TNC: variants seen among roughly 807,000 people sequenced by gnomAD.
TNC encodes tenascin.
Under a neutral mutation model 202.4 loss-of-function variants are expected in TNC, and 109 were observed. The observed-to-expected ratio is 0.54, with a 90% confidence interval of 0.46 to 0.63. The LOEUF (loss-of-function observed/expected upper bound fraction) is 0.63. Among genes scored for constraint, TNC ranks in the 30% least tolerant of loss-of-function variants. The pLI is 0.00. For synonymous variants in TNC, 1,007 were observed against 1,089.7 expected (o/e 0.92, Z 1.50); for missense variants, 2,756 against 2,833.3 (o/e 0.97, Z 0.62).
chr9:115,091,560 A>G (rs138021733), intron 1 of TNC, among the ~76,000 whole-genome samples: 62 of 152,334 alleles, frequency 4.1e-4, no homozygotes, highest in African/African-American at 1.4e-3. Context: ...TTATTTGTGT[A>G]TTCATTAATT....
At position 115,064,721 on chromosome 9, in the gene TNC, G is replaced by A. The variant is rs371671996; in HGVS notation, c.3413C>T (p.Thr1138Met). The A allele has an allele frequency of 2.8e-5, 46 of 1,614,076 alleles. No homozygotes were observed. The highest frequency in any genetic ancestry group is 2.1e-4 in the African/African-American group (16 of 74,922). Residue 1138 changes from threonine to methionine, a missense_variant, in exon 11 of 28, where the codon ACG (threonine) becomes ATG (methionine). By Grantham distance (81) the Thr-to-Met change is moderately conservative (BLOSUM62 -1). Around this residue, in one of 2 missense-constraint regions of TNC, gnomAD observed 2,559 missense variants for 2,546.0 expected, o/e 1.01. Transcript: ENST00000350763. Reference sequence around the variant, plus strand: ...CCCATAGATGGAGACTGTATAAGGCGTAGCAGCCTTGAGGCCCGGTATGTC... The same window carrying A: ...CCCATAGATGGAGACTGTATAAGGCATAGCAGCCTTGAGGCCCGGTATGTC... Reference protein sequence around the residue: ...AVDIPGLKAATPYTVSIYGVI... With the variant: ...AVDIPGLKAAMPYTVSIYGVI...
intron 27 of TNC, among the ~76,000 whole-genome samples, chr9:115,022,928 C>T (rs994889720): frequency 6.6e-6 from 1 of 151,496 alleles, no homozygotes; most frequent in Non-Finnish European, 1.5e-5. Flanking sequence ...ATCAAAGTGA[C>T]TAATATTGAA....
chr9:115,108,276 G>T (rs1836766092), intron 1 of TNC, among the ~76,000 whole-genome samples: 1 of 152,222 alleles, frequency 6.6e-6, no homozygotes, highest in South Asian at 2.1e-4. Context: ...AGACTACGTT[G>T]CAAGATGTTT....
chr9:115,092,735 G>A (rs1379903808), intron 1 of TNC, among the ~76,000 whole-genome samples: 1 of 142,368 alleles, frequency 7.0e-6, no homozygotes, highest in Non-Finnish European at 1.5e-5. Context: ...TGCCATGCCT[G>A]GCTGATTTTT....
Position 115,024,401 on chromosome 9 carries a change from A to G in TNC, c.6332-265T>C, listed in dbSNP as rs539931932. On this transcript the variant is annotated intron_variant, in intron 26 of 27. Coordinates refer to ENST00000350763, the MANE Select transcript of TNC (RefSeq NM_002160.4). ...GTCTAGCTTCGAATCCCATCTTTTCACTTTTTAGCTGTGACCTTGCACAAG... is the reference window on the plus strand; with the variant it reads ...GTCTAGCTTCGAATCCCATCTTTTCGCTTTTTAGCTGTGACCTTGCACAAG... Among the ~76,000 whole-genome samples, 62 of 152,208 alleles carry G rather than the reference A, an allele frequency of 4.1e-4. No homozygotes were observed. In the Middle Eastern group the frequency reaches 0.01, roughly 25 times the overall value.
intron 1 of TNC, 127 bp from the exon 2 acceptor site, chr9:115,091,281 A>G: frequency 4.4e-6 from 2 of 459,078 alleles, no homozygotes; most frequent in Non-Finnish European, 7.8e-6. Context: ...TTTTCATTAT[A>G]TACCCTTGAA....
intron 10 of TNC, among the ~76,000 whole-genome samples, chr9:115,070,785 T>G (rs1467778610): frequency 2.6e-5 from 4 of 152,218 alleles, no homozygotes; most frequent in African/African-American, 9.6e-5. Flanking sequence ...CTGCAACATT[T>G]CAGGACTTAT....
At chr9:115,117,137 G>A (rs1475997057) in intron 1 of TNC, among the ~76,000 whole-genome samples, 1 of 152,298 alleles carries the variant, frequency 6.6e-6, no homozygotes, top group East Asian at 1.9e-4. Context: ...TCATATGTAT[G>A]GTGGTGGGGA....
chr9:115,105,229 G>T (rs1051502345), intron 1 of TNC, among the ~76,000 whole-genome samples: 1 of 152,186 alleles, frequency 6.6e-6, no homozygotes, highest in South Asian at 2.1e-4. Flanking sequence ...GACTACTCCC[G>T]TAATTAATTT....
rs777494014 is a variant in TNC, at chr9:115,087,021, A to T, written c.710T>A (p.Ile237Asn). ...DQGKCVNGVC[I>N]CFEGYAGADC... ...AGCCCCGGCGTAGCCTTCGAAACAG[A>T]TGCAGACTCCATTTACGCACTTGCC... Residue 237 changes from isoleucine to asparagine, a missense_variant, in exon 3 of 28, where the codon ATC becomes AAC. Around this residue, in one of 2 missense-constraint regions of TNC, gnomAD observed 2,559 missense variants for 2,546.0 expected, o/e 1.01. Coordinates refer to ENST00000350763, the MANE Select transcript of TNC (RefSeq NM_002160.4). The T allele has an allele frequency of 5.0e-6, 8 of 1,613,316 alleles. No homozygotes were observed. In the South Asian group the frequency reaches 8.8e-5, roughly 18 times the overall value.
intron 2 of TNC, among the ~76,000 whole-genome samples, chr9:115,089,562 A>G (rs1835057711): frequency 6.6e-6 from 1 of 151,676 alleles, no homozygotes; most frequent in Non-Finnish European, 1.5e-5. Flanking sequence ...GTGCAATGGC[A>G]TGATCTCAGC....
chr9:115,065,626 G>A (rs1463063038), intron 10 of TNC, among the ~76,000 whole-genome samples: 1 of 152,058 alleles, frequency 6.6e-6, no homozygotes, highest in African/African-American at 2.4e-5. Context: ...TGTATTTTGA[G>A]ACAATTGGCT....
In TNC at chr9:115,048,113, G is replaced by A; in HGVS notation, c.4852+147C>T. The A allele has an allele frequency of 3.1e-6, 3 of 968,404 alleles. No homozygotes were observed. In the South Asian group the frequency reaches 4.8e-5, roughly 15 times the overall value. The allele number at this position is 968,404 out of a possible 1,614,324, so 60.0% of individuals were successfully genotyped here. A position where few individuals can be genotyped will look rare whatever the true frequency, so the allele number is the denominator to read the frequency against. On this transcript the variant is annotated intron_variant, in intron 16 of 27. Transcript: ENST00000350763. ...CATTAAGTACATATGACAAGAGGGAGTGTGGGGAGAAGGTGAAACAGTAGA... is the reference window on the plus strand; with the variant it reads ...CATTAAGTACATATGACAAGAGGGAATGTGGGGAGAAGGTGAAACAGTAGA...
chr9:115,053,075 T>C (rs1831830954), intron 15 of TNC: 3 of 663,190 alleles, frequency 4.5e-6, no homozygotes, highest in Middle Eastern at 3.5e-4. Flanking sequence ...AGCAGTGGAT[T>C]TTTCCAGAAT....
chr9:115,068,318 G>A (rs1160038156), intron 10 of TNC, among the ~76,000 whole-genome samples: 1 of 152,172 alleles, frequency 6.6e-6, no homozygotes, highest in African/African-American at 2.4e-5. Context: ...ACCCATTGCT[G>A]TGCTCCTGGT....
At chr9:115,100,759 G>A (rs1836166171) in intron 1 of TNC, among the ~76,000 whole-genome samples, 1 of 152,148 alleles carries the variant, frequency 6.6e-6, no homozygotes, top group Admixed American at 6.5e-5. Flanking sequence ...AGGTAACTAT[G>A]TAAAGCGATG....
chr9:115,063,532 GA>G (rs1832710608), intron 12 of TNC, among the ~76,000 whole-genome samples: 1 of 152,084 alleles, frequency 6.6e-6, no homozygotes, highest in Non-Finnish European at 1.5e-5. Flanking sequence ...CAACTTTTTA[GA>G]TATTGTGACT....
At chr9:115,062,881 C>G in intron 13 of TNC, 36 bp downstream of exon 13, 1 of 1,593,120 alleles carries the variant, frequency 6.3e-7, no homozygotes, top group Non-Finnish European at 8.6e-7. Context: ...ATGCTGGCTC[C>G]TATCATGTCT....
At chr9:115,050,831 G>A (rs1831593059) in intron 15 of TNC, among the ~76,000 whole-genome samples, 1 of 152,134 alleles carries the variant, frequency 6.6e-6, no homozygotes. Flanking sequence ...CATGCATAAG[G>A]AAATTAGGGT....
Sources: allele counts gnomAD v4.1 joint callset (sites outside exome capture counted in the v4.1 genomes callset), GRCh38; gene constraint gnomAD v4.1.1; regional missense constraint gnomAD v4.1.1; transcripts MANE v1.5; gene names NCBI Gene and HGNC (gene_info 2026-07-23, HGNC 2026-07-21).